NEXMIF: variants seen among roughly 807,000 people sequenced by gnomAD.
NEXMIF encodes the protein neurite extension and migration factor.
NEXMIF carries 8 observed loss-of-function variants against 62.1 expected under a neutral mutation model. The ratio of observed to expected loss-of-function variants is 0.13; its 90% CI spans 0.08 to 0.23. NEXMIF has a LOEUF of 0.23. Ranked by LOEUF, NEXMIF falls within the 10% of genes least tolerant of loss-of-function variation. The pLI is 1.00. For synonymous variants in NEXMIF, 404 were observed against 416.6 expected (o/e 0.97, Z 0.37); for missense variants, 976 against 1,113.3 (o/e 0.88, Z 1.75).
At chrX:74,864,212 T>C (rs1226295180) in intron 1 of NEXMIF, among the ~76,000 whole-genome samples, 1 of 112,180 alleles carries the variant, frequency 8.9e-6, no homozygotes, top group Non-Finnish European at 1.9e-5. Context: ...CAATATCGTA[T>C]TGGAAGTTCT....
chrX:74,877,975 C>A (rs2080644292), intron 1 of NEXMIF, among the ~76,000 whole-genome samples: 1 of 112,263 alleles, frequency 8.9e-6, no homozygotes, highest in African/African-American at 3.2e-5. Flanking sequence ...TCGTCTGAAG[C>A]CTTCTTCTCT....
intron 1 of NEXMIF, among the ~76,000 whole-genome samples, chrX:74,778,584 T>A (rs1297029644): frequency 8.9e-6 from 1 of 112,278 alleles, no homozygotes; most frequent in Non-Finnish European, 1.9e-5. Flanking sequence ...TACTATATTA[T>A]AAATGAGAAG....
chrX:74,839,838 A>G lies in NEXMIF; in HGVS notation c.-48+85045T>C, dbSNP rs756710913. 2.7e-5 allele frequency among the ~76,000 whole-genome samples: 3 copies of G among 112,090 alleles called. No individual in the cohort carries two copies. In the South Asian group the frequency reaches 1.1e-3, roughly 42 times the overall value. ...ATTGATGGACATTTAGACTTATTCC[A>G]TATCTTCACTATTGTGAATAGTGCT... On this transcript the variant is annotated intron_variant, in intron 1 of 3. Transcript: ENST00000055682.
chrX:74,794,710 C>G (rs1174926047), intron 1 of NEXMIF, among the ~76,000 whole-genome samples: 1 of 111,760 alleles, frequency 8.9e-6, no homozygotes, highest in Non-Finnish European at 1.9e-5. Flanking sequence ...CGGAAAAGCG[C>G]CATATTCGGG....
At chrX:74,879,953 C>T (rs1230881838) in intron 1 of NEXMIF, among the ~76,000 whole-genome samples, 1 of 111,770 alleles carries the variant, frequency 8.9e-6, no homozygotes, top group Non-Finnish European at 1.9e-5. Flanking sequence ...AATGATCATA[C>T]ATTGATACTC....
rs190921281 is a variant in NEXMIF at position 74,846,835 on chromosome X, T to G, written c.-48+78048A>C. Reference sequence around the variant, plus strand: ...AACAGTATAACTGATTCAAACAATGTACTAGTGTGTCTTATAAAGTAATAA... The same window carrying G: ...AACAGTATAACTGATTCAAACAATGGACTAGTGTGTCTTATAAAGTAATAA... On this transcript the variant is annotated intron_variant, in intron 1 of 3. Coordinates refer to ENST00000055682, the MANE Select transcript of NEXMIF (RefSeq NM_001008537.3). 3.5e-3 allele frequency among the ~76,000 whole-genome samples: 390 copies of G among 112,335 alleles called. 2 individuals carry two copies. Among genetic ancestry groups the G allele is most frequent in the African/African-American group, 0.012 (372 of 31,009 alleles).
chrX:74,821,746 T>C (rs1284423609), intron 1 of NEXMIF, among the ~76,000 whole-genome samples: 1 of 111,471 alleles, frequency 9.0e-6, no homozygotes, highest in East Asian at 2.8e-4. Flanking sequence ...TGTGTGTGTG[T>C]TTCTGAGACA....
chrX:74,773,084 T>C (rs1452384524), intron 1 of NEXMIF, among the ~76,000 whole-genome samples: 1 of 111,519 alleles, frequency 9.0e-6, no homozygotes, highest in Admixed American at 9.6e-5. Flanking sequence ...AGTATTCAGA[T>C]AGGATGTAGG....
chrX:74,923,627 T>C (rs919650982), intron 1 of NEXMIF, among the ~76,000 whole-genome samples: 8 of 111,912 alleles, frequency 7.1e-5, no homozygotes, highest in African/African-American at 2.3e-4. Context: ...ACACAAATGG[T>C]CGTAAGGAGT....
chrX:74,784,142 G>A (rs1366902444), intron 1 of NEXMIF, among the ~76,000 whole-genome samples: 2 of 111,627 alleles, frequency 1.8e-5, no homozygotes, highest in African/African-American at 6.5e-5. Context: ...AAAATTCACT[G>A]TTGGTATTAG....
chrX:74,773,998 G>A (rs2080221079), intron 1 of NEXMIF, among the ~76,000 whole-genome samples: 1 of 109,265 alleles, frequency 9.2e-6, no homozygotes, highest in African/African-American at 3.3e-5. Flanking sequence ...GTAATTGAGA[G>A]CTGGCATTTA....
At chrX:74,859,891 A>G (rs1263658559) in intron 1 of NEXMIF, among the ~76,000 whole-genome samples, 2 of 111,389 alleles carry the variant, frequency 1.8e-5, no homozygotes, top group African/African-American at 3.3e-5. Context: ...TAATTGATAC[A>G]CAAAAAATAA....
At chrX:74,818,079 C>T (rs2080381736) in intron 1 of NEXMIF, among the ~76,000 whole-genome samples, 1 of 109,875 alleles carries the variant, frequency 9.1e-6, no homozygotes, top group African/African-American at 3.3e-5. Flanking sequence ...CCACCAATGA[C>T]ATTTTTCACA....
intron 1 of NEXMIF, among the ~76,000 whole-genome samples, chrX:74,903,880 CGTGTGTGT>C (rs3222701): frequency 0.016 from 1,549 of 94,181 alleles, 14 homozygotes; most frequent in Non-Finnish European, 0.019. Flanking sequence ...CAATTCTAAT[CGTGTGTGT>C]GTGTGTGTGT....
chrX:74,810,917 T>A (rs2080358480), intron 1 of NEXMIF, among the ~76,000 whole-genome samples: 1 of 111,509 alleles, frequency 9.0e-6, no homozygotes, highest in African/African-American at 3.3e-5. Context: ...TGTAATGAGG[T>A]CCAAGGATTA....
chrX:74,863,021 A>G (rs963873496), intron 1 of NEXMIF, among the ~76,000 whole-genome samples: 1 of 109,777 alleles, frequency 9.1e-6, no homozygotes, highest in Non-Finnish European at 1.9e-5. Flanking sequence ...AAAATACAAA[A>G]CTTAGCCGGG....
At chrX:74,766,496 C>A (rs995881391) in intron 1 of NEXMIF, among the ~76,000 whole-genome samples, 1 of 111,406 alleles carries the variant, frequency 9.0e-6, no homozygotes, top group African/African-American at 3.3e-5. Context: ...TTCTGAGATT[C>A]TTTCCTCAGC....
At chrX:74,796,209 T>TTATATATATATATACATATATAATA (rs1393909984) in intron 1 of NEXMIF, among the ~76,000 whole-genome samples, 3 of 46,615 alleles carry the variant, frequency 6.4e-5, no homozygotes, top group South Asian at 9.0e-4. Flanking sequence ...TACATATATA[T>TTATATATATATATACATATATAATA]TATATATATA....
At chrX:74,826,712 CCT>C (rs1209256795) in intron 1 of NEXMIF, among the ~76,000 whole-genome samples, 2 of 110,269 alleles carry the variant, frequency 1.8e-5, no homozygotes, top group Non-Finnish European at 3.8e-5. Context: ...GTAGTTTCCC[CCT>C]GTGTTTTTTT....
Sources: allele counts gnomAD v4.1 joint callset (sites outside exome capture counted in the v4.1 genomes callset), GRCh38; gene constraint gnomAD v4.1.1; transcripts MANE v1.5; gene names NCBI Gene and HGNC (gene_info 2026-07-23, HGNC 2026-07-21).